Variants in THRB observed in about 807,000 individuals in gnomAD.
THRB encodes thyroid hormone receptor beta.
In THRB, 12 loss-of-function variants were observed where a neutral mutation model predicts 47.8. The observed-to-expected ratio is 0.25, with a 90% CI of 0.16 to 0.41. The LOEUF is 0.41. Among genes scored for constraint, THRB ranks in the 10% least tolerant of loss-of-function variants. THRB has a pLI of 1.00. For missense variants in THRB, 348 were observed against 589.2 expected, an observed-to-expected ratio of 0.59 and a Z score of 4.24; for synonymous variants, 218 against 212.2, an observed-to-expected ratio of 1.03 and a Z score of -0.24.
intron 1 of THRB, among the ~76,000 whole-genome samples, chr3:24,480,609 C>G (rs930705750): frequency 6.6e-6 from 1 of 152,102 alleles, no homozygotes; most frequent in Non-Finnish European, 1.5e-5. Context: ...TACTATAATT[C>G]TAAGAGGCAA....
intron 5 of THRB, among the ~76,000 whole-genome samples, chr3:24,157,524 A>T (rs907097926): frequency 1.3e-5 from 2 of 151,774 alleles, no homozygotes; most frequent in African/African-American, 2.4e-5. Context: ...TTAAATTACA[A>T]TTTTTTTTAA....
intron 3 of THRB, among the ~76,000 whole-genome samples, chr3:24,273,541 C>T (rs931734425): frequency 9.9e-5 from 15 of 152,168 alleles, no homozygotes; most frequent in African/African-American, 3.6e-4. Flanking sequence ...TATATATGCA[C>T]ATAATTCCTT....
chr3:24,475,274 TA>T (rs1216108999), intron 1 of THRB, among the ~76,000 whole-genome samples: 1 of 152,128 alleles, frequency 6.6e-6, no homozygotes, highest in African/African-American at 2.4e-5. Context: ...TTTTGTAGAA[TA>T]AAAATAATTT....
At chr3:24,211,254 A>T (rs1377700355) in intron 4 of THRB, among the ~76,000 whole-genome samples, 1 of 152,076 alleles carries the variant, frequency 6.6e-6, no homozygotes, top group East Asian at 1.9e-4. Flanking sequence ...TTTAAAAGTC[A>T]TAATACACAT....
intron 10 of THRB, among the ~76,000 whole-genome samples, chr3:24,125,481 C>T (rs2032579789): frequency 6.6e-6 from 1 of 152,204 alleles, no homozygotes; most frequent in Non-Finnish European, 1.5e-5. Context: ...CCATGAGTCC[C>T]TCCAGAAATA....
intron 1 of THRB, among the ~76,000 whole-genome samples, chr3:24,491,516 G>A (rs1698139604): frequency 6.6e-6 from 1 of 152,170 alleles, no homozygotes; most frequent in Admixed American, 6.6e-5. Context: ...GCAAAAAGAG[G>A]CTGGCTGACT....
intron 3 of THRB, among the ~76,000 whole-genome samples, chr3:24,247,046 C>G (rs1342555035): frequency 6.6e-6 from 1 of 152,184 alleles, no homozygotes; most frequent in East Asian, 1.9e-4. Flanking sequence ...GAATGTGTTT[C>G]TGGAGTCACT....
chr3:24,181,750 C>G (rs933583274), intron 5 of THRB, among the ~76,000 whole-genome samples: 1 of 152,224 alleles, frequency 6.6e-6, no homozygotes, highest in Admixed American at 6.5e-5. Context: ...TCTCTTATCC[C>G]TTGCTATCCT....
intron 3 of THRB, among the ~76,000 whole-genome samples, chr3:24,233,560 G>GA (rs2048479796): frequency 1.3e-5 from 1 of 77,302 alleles, no homozygotes; most frequent in Non-Finnish European, 2.8e-5. Flanking sequence ...AAAGAAAAAG[G>GA]AAGAAAGAAA....
chr3:24,174,084 A>G (rs2040815346), intron 5 of THRB, among the ~76,000 whole-genome samples: 1 of 152,054 alleles, frequency 6.6e-6, no homozygotes, highest in Non-Finnish European at 1.5e-5. Flanking sequence ...GGTTTGTTAC[A>G]TAGGTATACG....
intron 3 of THRB, among the ~76,000 whole-genome samples, chr3:24,245,005 GT>G (rs2049964883): frequency 6.6e-6 from 1 of 152,182 alleles, no homozygotes; most frequent in South Asian, 2.1e-4. Context: ...CAAAGGGTCT[GT>G]TTGAACAAAG....
chr3:24,399,372 G>A (rs2067225339), intron 1 of THRB, among the ~76,000 whole-genome samples: 1 of 151,874 alleles, frequency 6.6e-6, no homozygotes, highest in African/African-American at 2.4e-5. Flanking sequence ...TCAACCAACA[G>A]ATGAACTGGG....
chr3:24,301,201 ACTT>A, intron 2 of THRB, among the ~76,000 whole-genome samples: 1 of 152,292 alleles, frequency 6.6e-6, no homozygotes, highest in East Asian at 1.9e-4. Context: ...TTGATTTCAA[ACTT>A]CTTCTCCCCA....
At chr3:24,414,419 A>C (rs950278364) in intron 1 of THRB, among the ~76,000 whole-genome samples, 5 of 151,904 alleles carry the variant, frequency 3.3e-5, no homozygotes, top group Non-Finnish European at 7.4e-5. Context: ...TAAACAGAAC[A>C]TATCTATGTG....
Position 24,247,533 on chromosome 3 carries a change from C to T in THRB, c.-42-18532G>A, listed in dbSNP as rs140173787. ...AAGTGGGAGAGACAGGGAGCAAATC[C>T]TTTATGCTCTAAATCACTAAACTTG... is the stretch of plus-strand genomic sequence containing the variant. On this transcript the variant is annotated intron_variant, in intron 3 of 10. Transcript: ENST00000646209. Among the ~76,000 whole-genome samples, 392 of 152,274 alleles carry T rather than the reference C, an allele frequency of 2.6e-3. 2 individuals carry two copies. The highest frequency in any genetic ancestry group is 8.7e-3 in the African/African-American group (360 of 41,558).
intron 3 of THRB, among the ~76,000 whole-genome samples, chr3:24,234,137 C>T (rs1268036897): frequency 1.3e-5 from 2 of 152,170 alleles, no homozygotes; most frequent in East Asian, 1.9e-4. Flanking sequence ...TGAGTGATCT[C>T]AACTATTAGG....
chr3:24,242,712 G>A (rs2150266896), intron 3 of THRB, among the ~76,000 whole-genome samples: 2 of 152,174 alleles, frequency 1.3e-5, no homozygotes, highest in South Asian at 4.1e-4. Flanking sequence ...CTTCTCTTCT[G>A]CCCTAATATA....
chr3:24,123,066 C>A lies in THRB; in HGVS notation c.1204G>T (p.Ala402Ser). The change falls in exon 11 of 11, where the codon GCC becomes TCC. Residue 402 changes from alanine to serine, a missense_variant. Transcript: ENST00000646209. ...CGGTAATTGATATAGTGTTCAAAGG[C>A]CAGCAGGAAACTATCTTGGTACTTT... ...IEKYQDSFLL[A>S]FEHYINYRKH... 2 of 1,614,144 alleles carry A rather than the reference C, an allele frequency of 1.2e-6. No individual in the cohort carries two copies. The highest frequency in any genetic ancestry group is 1.7e-6 in the Non-Finnish European group (2 of 1,180,026).
At chr3:24,281,482 G>T (rs981299309) in intron 3 of THRB, among the ~76,000 whole-genome samples, 2 of 152,044 alleles carry the variant, frequency 1.3e-5, no homozygotes, top group Non-Finnish European at 2.9e-5. Flanking sequence ...GCAAAATCAT[G>T]CCAAAATGTA....
Sources: allele counts gnomAD v4.1 joint callset (sites outside exome capture counted in the v4.1 genomes callset), GRCh38; gene constraint gnomAD v4.1.1; transcripts MANE v1.5; gene names NCBI Gene and HGNC (gene_info 2026-07-23, HGNC 2026-07-21).